SPATA16: variants seen among roughly 807,000 people sequenced by gnomAD.
SPATA16 encodes spermatogenesis-associated protein 16.
Under a neutral mutation model 63.3 loss-of-function variants are expected in SPATA16, and 36 were observed. The observed-to-expected ratio is 0.57, with a 90% CI of 0.44 to 0.75. SPATA16 has a LOEUF of 0.75. Among genes scored for constraint, SPATA16 ranks in the 30% least tolerant of loss-of-function variants. The pLI, the probability that SPATA16 is intolerant of heterozygous loss-of-function variation, is 0.00. For missense variants in SPATA16, 646 were observed against 679.3 expected (o/e 0.95, Z 0.54); for synonymous variants, 203 against 216.7 (o/e 0.94, Z 0.56).
chr3:173,052,452 A>T (rs1736126710), intron 2 of SPATA16, among the ~76,000 whole-genome samples: 2 of 152,200 alleles, frequency 1.3e-5, no homozygotes, highest in Non-Finnish European at 2.9e-5. Context: ...TTCTTGCTTT[A>T]CCAATCGAGT....
In SPATA16 at chr3:173,054,465, T is replaced by A. The variant is rs1479325429; in HGVS notation, c.613-5371A>T. ...AACACTATGCAACCATAAAAAGGAA[T>A]GAGATCATGTCCTTTGCAGGGACAT... On this transcript the variant is annotated intron_variant, in intron 2 of 10. Coordinates refer to ENST00000351008, the MANE Select transcript of SPATA16 (RefSeq NM_031955.6). 8.5e-5 allele frequency among the ~76,000 whole-genome samples: 13 copies of A among 152,250 alleles called. No homozygotes were observed. The South Asian group carries it at 2.3e-3, about 27-fold the overall frequency.
intron 3 of SPATA16, among the ~76,000 whole-genome samples, chr3:173,038,257 T>C (rs925155246): frequency 3.9e-5 from 6 of 152,058 alleles, no homozygotes; most frequent in Non-Finnish European, 7.4e-5. Flanking sequence ...TGTAATACCC[T>C]ATATAGTGAC....
At chr3:173,069,173 T>A (rs1736607651) in intron 2 of SPATA16, among the ~76,000 whole-genome samples, 1 of 147,480 alleles carries the variant, frequency 6.8e-6, no homozygotes, top group African/African-American at 2.5e-5. Flanking sequence ...AAATTGAGAC[T>A]AAAAACAAAA....
At chr3:172,959,819 T>TATATATATA (rs1733708169) in intron 5 of SPATA16, among the ~76,000 whole-genome samples, 3 of 145,222 alleles carry the variant, frequency 2.1e-5, no homozygotes, top group African/African-American at 5.0e-5. Flanking sequence ...TATATATATA[T>TATATATATA]TTAGCATTAT....
intron 10 of SPATA16, among the ~76,000 whole-genome samples, chr3:172,905,233 C>T (rs1033118197): frequency 6.6e-6 from 1 of 152,096 alleles, no homozygotes; most frequent in African/African-American, 2.4e-5. Flanking sequence ...AATAAATCTG[C>T]AGAGACTCCT....
chr3:173,137,481 G>A (rs16846652), intron 1 of SPATA16, among the ~76,000 whole-genome samples: 32,421 of 152,026 alleles, frequency 0.21, 3,825 homozygotes, highest in African/African-American at 0.3. Context: ...CATGGAAGGC[G>A]GGATCTATGG....
intron 3 of SPATA16, among the ~76,000 whole-genome samples, chr3:173,033,526 C>G (rs1735650494): frequency 6.6e-6 from 1 of 152,098 alleles, no homozygotes; most frequent in South Asian, 2.1e-4. Context: ...TATCACCTCT[C>G]TTGTAGAAAA....
intron 4 of SPATA16, among the ~76,000 whole-genome samples, chr3:172,999,395 ATTTCTTTCTTTC>A (rs144082601): frequency 1.3e-5 from 2 of 150,688 alleles, no homozygotes; most frequent in African/African-American, 4.9e-5. Flanking sequence ...CCCCTATTTC[ATTTCTTTCTTTC>A]TTTCTTTCTT....
chr3:172,953,161 C>G (rs1179109509), intron 6 of SPATA16, among the ~76,000 whole-genome samples: 1 of 152,074 alleles, frequency 6.6e-6, no homozygotes, highest in African/African-American at 2.4e-5. Flanking sequence ...TGAAGTATAG[C>G]TTACTAAAGT....
chr3:173,042,348 A>C (rs1735861479), intron 3 of SPATA16, among the ~76,000 whole-genome samples: 1 of 151,924 alleles, frequency 6.6e-6, no homozygotes, highest in Admixed American at 6.6e-5. Context: ...CAGCCTCCCA[A>C]GTAGCTGGGA....
intron 3 of SPATA16, among the ~76,000 whole-genome samples, chr3:173,029,354 A>C (rs1406005200): frequency 6.6e-6 from 1 of 151,830 alleles, no homozygotes; most frequent in Non-Finnish European, 1.5e-5. Context: ...ATGAGCCTCC[A>C]GGGTCAGAGA....
chr3:173,067,594 T>A (rs1046203226), intron 2 of SPATA16, among the ~76,000 whole-genome samples: 12 of 150,916 alleles, frequency 8.0e-5, no homozygotes, highest in African/African-American at 2.9e-4. Flanking sequence ...GAACCTAAAA[T>A]GAAAGTTGGG....
At chr3:173,040,089 T>C (rs752709866) in intron 3 of SPATA16, among the ~76,000 whole-genome samples, 3 of 152,046 alleles carry the variant, frequency 2.0e-5, no homozygotes, top group Non-Finnish European at 2.9e-5. Flanking sequence ...GTCTTCCTCC[T>C]CCAGCCCCCC....
intron 5 of SPATA16, among the ~76,000 whole-genome samples, chr3:172,973,451 A>T (rs1734090289): frequency 6.6e-6 from 1 of 152,184 alleles, no homozygotes; most frequent in African/African-American, 2.4e-5. Context: ...GAGTTCTGTG[A>T]TACAATTAGC....
chr3:173,120,275 T>G (rs760308621), intron 1 of SPATA16, among the ~76,000 whole-genome samples: 1 of 152,210 alleles, frequency 6.6e-6, no homozygotes, highest in Non-Finnish European at 1.5e-5. Flanking sequence ...TAAACTTTAG[T>G]CCTTCAGTTA....
At chr3:173,041,141 G>A (rs759221451) in intron 3 of SPATA16, among the ~76,000 whole-genome samples, 3 of 152,062 alleles carry the variant, frequency 2.0e-5, no homozygotes, top group Non-Finnish European at 4.4e-5. Context: ...GATCCATATA[G>A]CATTTTTATT....
At chr3:172,922,559 C>G (rs148845135) in intron 8 of SPATA16, among the ~76,000 whole-genome samples, 1 of 152,276 alleles carries the variant, frequency 6.6e-6, no homozygotes, top group East Asian at 1.9e-4. Flanking sequence ...ATTGTGAAAT[C>G]GGAGCTGGCA....
chr3:172,974,010 C>T (rs191016532), intron 5 of SPATA16, among the ~76,000 whole-genome samples: 115 of 152,192 alleles, frequency 7.6e-4, no homozygotes, highest in African/African-American at 2.7e-3. Context: ...GTGATATATC[C>T]CAGTGTGAGC....
At chr3:173,118,936 T>C (rs1375403461) in intron 1 of SPATA16, among the ~76,000 whole-genome samples, 1 of 152,240 alleles carries the variant, frequency 6.6e-6, no homozygotes, top group African/African-American at 2.4e-5. Context: ...TGCTTCCTTT[T>C]ATCTTCAAGG....
Sources: allele counts gnomAD v4.1 joint callset (sites outside exome capture counted in the v4.1 genomes callset), GRCh38; gene constraint gnomAD v4.1.1; transcripts MANE v1.5; gene names NCBI Gene and HGNC (gene_info 2026-07-23, HGNC 2026-07-21).